The following CHML variants were observed in gnomAD, a reference collection of about 807,000 sequenced individuals.
The protein encoded by CHML is rab proteins geranylgeranyltransferase component A 2.
In CHML, 20 loss-of-function variants were observed where a neutral mutation model predicts 30.4. The ratio of observed to expected loss-of-function variants is 0.66; its 90% confidence interval spans 0.46 to 0.95. CHML has a LOEUF of 0.95. Among genes scored for constraint, CHML ranks in the 40% least tolerant of loss-of-function variants. The probability of loss-of-function intolerance (pLI) is 0.00; values close to 1 mark genes in which losing one functional copy is unlikely to be tolerated. For missense variants in CHML, 795 were observed against 768.5 expected (o/e 1.03, Z -0.41); for synonymous variants, 281 against 275.0 (o/e 1.02, Z -0.22).
rs1328347102 is a variant in CHML, at chr1:241,635,878, T to A, written c.-112A>T. ...TCCAGTTATCCCAGAAGCACTGAAG[T>A]TGCAGGTCCTAGCTGTTTAACGGTT... On this transcript the variant is annotated 5_prime_UTR_variant, in exon 2 of 2. Transcript: ENST00000366553. 6 of 1,076,612 alleles carry A rather than the reference T, an allele frequency of 5.6e-6. No homozygotes were observed. In the African/African-American group the frequency reaches 8.0e-5, roughly 14 times the overall value. 66.7% of individuals were successfully genotyped at this position (1,076,612 alleles called of 1,614,324 possible).
In CHML at chr1:241,640,322, C is replaced by T. The variant is rs1274769344; in HGVS notation, c.-748G>A. On this transcript the variant is annotated 5_prime_UTR_variant, in exon 1 of 2. Transcript: ENST00000366553. ...GCGGCGGGGCTCGCGGCGCGCTCCG[C>T]ACTGGGTGGGGTTGGGGCTCCGCCG... 11 of 1,092,780 alleles carry T rather than the reference C, an allele frequency of 1.0e-5. No individual in the cohort carries two copies. The highest frequency in any genetic ancestry group is 1.2e-5 in the Non-Finnish European group (11 of 902,824). The allele number at this position is 1,092,780 out of a possible 1,614,324, so 67.7% of individuals were successfully genotyped here.
chr1:241,638,618 C>A (rs1389989519), intron 1 of CHML, among the ~76,000 whole-genome samples: 2 of 152,080 alleles, frequency 1.3e-5, no homozygotes, highest in Non-Finnish European at 2.9e-5. Context: ...CATACCACAG[C>A]CTACATACAC....
Position 241,640,323 on chromosome 1 carries a change from A to T in CHML, c.-749T>A. ...CGGCGGGGCTCGCGGCGCGCTCCGC[A>T]CTGGGTGGGGTTGGGGCTCCGCCGC... On this transcript the variant is annotated 5_prime_UTR_variant, in exon 1 of 2. Transcript: ENST00000366553. The T allele has an allele frequency of 9.2e-7, 1 of 1,087,386 alleles. No homozygotes were observed. Among genetic ancestry groups the T allele is most frequent in the Non-Finnish European group, 1.1e-6 (1 of 899,374 alleles). 67.4% of individuals were successfully genotyped at this position (1,087,386 alleles called of 1,614,324 possible).
rs1171434928 is a variant in CHML, at chr1:241,635,218, T to C, written c.549A>G (p.Gly183=). 2 of 1,613,576 alleles carry C rather than the reference T, an allele frequency of 1.2e-6. No homozygotes were observed. The highest frequency in any genetic ancestry group is 1.1e-5 in the South Asian group (1 of 91,086). ...AAACTGTGTGCATACAAGTTTTATC[T>C]CCACAATACTTTTCCTTCTCCACTG... ...EESVEKEKYC[G]DKTCMHTVSD... Residue 183 remains glycine, a synonymous_variant, in exon 2 of 2, where the codon GGA becomes GGG. Coordinates refer to ENST00000366553, the MANE Select transcript of CHML (RefSeq NM_001381853.1).
At chr1:241,636,183 C>A in intron 1 of CHML, 110 bp from the exon 2 acceptor site, 2 of 402,774 alleles carry the variant, frequency 5.0e-6, no homozygotes, top group Non-Finnish European at 8.8e-6. Context: ...TGGACATAAA[C>A]CTCTACTAAA....
intron 1 of CHML, among the ~76,000 whole-genome samples, chr1:241,636,892 G>C (rs148400829): frequency 1.7e-4 from 26 of 151,926 alleles, no homozygotes; most frequent in African/African-American, 6.0e-4. Flanking sequence ...CCAAGCAAAA[G>C]GTCTATCTAA....
rs746520866 is a variant in CHML at position 241,634,976 on chromosome 1, C to G, written c.791G>C (p.Arg264Thr). Reference protein sequence around the residue: ...SRYVEFKNVTRILAFREGKVE... With the variant: ...SRYVEFKNVTTILAFREGKVE... ...CTTTCCTTCCCGAAATGCAAGAATC[C>G]TAGTGACATTTTTAAATTCTACATA... Residue 264 changes from arginine (R) to threonine (T), a missense_variant, in exon 2 of 2, where the codon AGG (arginine) becomes ACG (threonine). Physicochemically the swap from Arg to Thr is moderately conservative, Grantham distance 71 (BLOSUM62 -1). Coordinates refer to ENST00000366553, the MANE Select transcript of CHML (RefSeq NM_001381853.1). 1 of 1,613,600 alleles carries G rather than the reference C, an allele frequency of 6.2e-7. No individual in the cohort carries two copies. Among genetic ancestry groups the G allele is most frequent in the South Asian group, 1.1e-5 (1 of 91,012 alleles).
chr1:241,634,697 A>G lies in CHML; in HGVS notation c.1070T>C (p.Leu357Pro). The G allele has an allele frequency of 6.2e-7, 1 of 1,614,018 alleles. No individual in the cohort carries two copies. The highest frequency in any genetic ancestry group is 8.5e-7 in the Non-Finnish European group (1 of 1,179,890). The change falls in exon 2 of 2, where the codon CTT (leucine) becomes CCT (proline). Residue 357 changes from leucine to proline, a missense_variant. Physicochemically the swap from Leu to Pro is moderately conservative, Grantham distance 98. Coordinates refer to ENST00000366553, the MANE Select transcript of CHML (RefSeq NM_001381853.1). ...CTGAAGGAAGTTTTTAGTTGCGTTA[A>G]GACCATCTATTGTAGTGCAAGATGA... is the stretch of plus-strand genomic sequence containing the variant. ...SESSCTTIDG[L>P]NATKNFLQCL...
Position 241,635,427 on chromosome 1 carries a change from C to T in CHML, c.340G>A (p.Glu114Lys). Residue 114 changes from glutamate (E) to lysine (K), a missense_variant, in exon 2 of 2, where the codon GAA becomes AAA. Glu to Lys is a moderately conservative substitution (Grantham distance 56). Transcript: ENST00000366553. ...TTTTTCTGCAGAGCACCAATCTCTT[C>T]AACGTTGTCCTCCATATCCTGACTG... The part of the protein sequence containing the change: ...YASQDMEDNV[E>K]EIGALQKNPS... 7 of 1,614,010 alleles carry T rather than the reference C, an allele frequency of 4.3e-6. No homozygotes were observed. The highest frequency in any genetic ancestry group is 5.9e-6 in the Non-Finnish European group (7 of 1,179,960).
chr1:241,638,364 T>C (rs1171512889), intron 1 of CHML, among the ~76,000 whole-genome samples: 2 of 152,092 alleles, frequency 1.3e-5, no homozygotes, highest in African/African-American at 2.4e-5. Flanking sequence ...CTAGCACTTA[T>C]AAAGAACTCA....
rs1285547131 is a variant in CHML, at chr1:241,633,492, T to C, written c.*304A>G. On this transcript the variant is annotated 3_prime_UTR_variant, in exon 2 of 2. Transcript: ENST00000366553. ...AAGATCATTAGCAAATACATTACCT[T>C]TAAGCTGAGTTGCTAATATGGAACC... 7.0e-6 allele frequency: 2 copies of C among 283,800 alleles called. No homozygotes were observed. The highest frequency in any genetic ancestry group is 9.6e-5 in the Admixed American group (2 of 20,938). 17.6% of individuals were successfully genotyped at this position (283,800 alleles called of 1,614,324 possible).
In CHML at chr1:241,632,982, A is replaced by G. The variant is rs676750; in HGVS notation, c.*814T>C. Reference sequence around the variant, plus strand: ...TTTTTCCTTTTGGTCTAAGTTACTTATTGGAAGCTATTTTAAGTGCCAGGG... The same window carrying G: ...TTTTTCCTTTTGGTCTAAGTTACTTGTTGGAAGCTATTTTAAGTGCCAGGG... On this transcript the variant is annotated 3_prime_UTR_variant, in exon 2 of 2. Coordinates refer to ENST00000366553, the MANE Select transcript of CHML (RefSeq NM_001381853.1). The G allele has an allele frequency of 0.74, 112,019 of 152,032 alleles. 41,896 individuals carry two copies. The highest frequency in any genetic ancestry group is 0.86 in the African/African-American group (35,762 of 41,518). 9.4% of individuals were successfully genotyped at this position (152,032 alleles called of 1,614,324 possible).
intron 1 of CHML, among the ~76,000 whole-genome samples, chr1:241,638,778 C>A (rs1345584853): frequency 6.6e-6 from 1 of 152,026 alleles, no homozygotes. Flanking sequence ...AAAAATGAAT[C>A]ATTACAAATA....
At position 241,629,319 on chromosome 1, in the gene CHML, G is replaced by A. The variant is rs1664525132; in HGVS notation, c.*4477C>T. 2 of 152,082 alleles carry A rather than the reference G, an allele frequency of 1.3e-5. No individual in the cohort carries two copies. The highest frequency in any genetic ancestry group is 2.1e-4 in the South Asian group (1 of 4,830). The allele number at this position is 152,082 out of a possible 1,614,324, so 9.4% of individuals were successfully genotyped here. A position where few individuals can be genotyped will look rare whatever the true frequency, so the allele number is the denominator to read the frequency against. On this transcript the variant is annotated 3_prime_UTR_variant, in exon 2 of 2. Coordinates refer to ENST00000366553, the MANE Select transcript of CHML (RefSeq NM_001381853.1). ...GTCTTCTACACAGTTCTCTTAAAAG[G>A]CTACTAATACACAATGCTGCTGCTA...
Position 241,634,879 on chromosome 1 carries a change from C to T in CHML, c.888G>A (p.Met296Ile). The T allele has an allele frequency of 6.2e-7, 1 of 1,609,570 alleles. No individual in the cohort carries two copies. Among genetic ancestry groups the T allele is most frequent in the Non-Finnish European group, 8.5e-7 (1 of 1,178,332 alleles). ...SKELTMVEKR[M>I]LMKFLTFCLE... ...AACAAAATGTGAGAAATTTCATTAGCATCCTCTTTTCAACCATGGTGAGTT... is the reference window on the plus strand; with the variant it reads ...AACAAAATGTGAGAAATTTCATTAGTATCCTCTTTTCAACCATGGTGAGTT... Residue 296 changes from methionine (M) to isoleucine (I), a missense_variant, in exon 2 of 2, where the codon ATG (methionine) becomes ATA (isoleucine). By Grantham distance (10) the Met-to-Ile change is conservative. Transcript: ENST00000366553.
intron 1 of CHML, among the ~76,000 whole-genome samples, 177 bp from the exon 2 acceptor site, chr1:241,636,250 G>A (rs1048564788): frequency 2.6e-5 from 4 of 152,130 alleles, no homozygotes; most frequent in African/African-American, 9.7e-5. Flanking sequence ...GGACAATAGA[G>A]ATATAACAGC....
At position 241,640,151 on chromosome 1, in the gene CHML, AG is replaced by A. The variant is rs1665066405; in HGVS notation, c.-578del. On this transcript the variant is annotated 5_prime_UTR_variant, in exon 1 of 2. It introduces an in-frame stop codon into an upstream open reading frame of the 5' UTR. Transcript: ENST00000366553. ...GCGCTCGTAGGTGCCGGGGCTGAAG[AG>A]GGGCGCGGGGCTCAGTGTCCCCGCC... is the stretch of plus-strand genomic sequence containing the variant. 6.6e-7 allele frequency: 1 copy of A among 1,520,890 alleles called. No homozygotes were observed. The highest frequency in any genetic ancestry group is 1.4e-5 in the African/African-American group (1 of 69,200). The allele number at this position is 1,520,890 out of a possible 1,614,324, so 94.2% of individuals were successfully genotyped here.
Position 241,634,481 on chromosome 1 carries a change from A to C in CHML, c.1286T>G (p.Ile429Arg), listed in dbSNP as rs1441340220. 1 of 1,613,802 alleles carries C rather than the reference A, an allele frequency of 6.2e-7. No individual in the cohort carries two copies. Among genetic ancestry groups the C allele is most frequent in the Non-Finnish European group, 8.5e-7 (1 of 1,179,920 alleles). ...TTCCACAATAAAATATTTAGCATTT[A>C]TTCTTTGACCAAAGTGATCTATAAT... ...KAIIDHFGQR[I>R]NAKYFIVEDS... The change falls in exon 2 of 2, where the codon ATA becomes AGA. Residue 429 changes from isoleucine (I) to arginine (R), a missense_variant. By Grantham distance (97) the Ile-to-Arg change is moderately conservative. Transcript: ENST00000366553.
Position 241,634,960 on chromosome 1 carries a change from C to A in CHML, c.807G>T (p.Arg269=). 2 of 1,613,518 alleles carry A rather than the reference C, an allele frequency of 1.2e-6. No homozygotes were observed. The highest frequency in any genetic ancestry group is 1.7e-6 in the Non-Finnish European group (2 of 1,179,830). The change falls in exon 2 of 2, where the codon CGG becomes CGT. Residue 269 remains arginine (R), a synonymous_variant. Coordinates refer to ENST00000366553, the MANE Select transcript of CHML (RefSeq NM_001381853.1). The part of the protein sequence containing the change: ...FKNVTRILAF[R]EGKVEQVPCS... ...AAGGAACTTGTTCTACCTTTCCTTC[C>A]CGAAATGCAAGAATCCTAGTGACAT...
Sources: gnomAD v4.1 joint callset for allele counts (sites outside exome capture counted in the v4.1 genomes callset) on GRCh38, gnomAD v4.1.1 for gene constraint, MANE v1.5 for transcripts, NCBI Gene and HGNC (gene_info 2026-07-23, HGNC 2026-07-21) for gene names.